The following NEBL variants were observed in gnomAD, a reference collection of about 807,000 sequenced individuals.
The protein encoded by NEBL is LIM and SH3 protein 2.
NEBL carries 122 observed loss-of-function variants against 140.2 expected under a neutral mutation model. That is an observed-to-expected ratio of 0.87 (90% CI 0.75 to 1.01). NEBL has a LOEUF of 1.01. NEBL is among the 50% of genes least tolerant of loss of function. The probability of loss-of-function intolerance (pLI) is 0.00; values close to 1 mark genes in which losing one functional copy is unlikely to be tolerated. For missense variants in NEBL, 1,365 were observed against 1,231.3 expected (o/e 1.11, Z -1.62); for synonymous variants, 436 against 398.9 (o/e 1.09, Z -1.11).
At chr10:21,007,694 TA>T (rs1838188434) in intron 3 of NEBL, among the ~76,000 whole-genome samples, 1 of 152,130 alleles carries the variant, frequency 6.6e-6, no homozygotes, top group South Asian at 2.1e-4. Flanking sequence ...AAAACAGACA[TA>T]AAAAACCTTA....
chr10:21,044,311 C>A (rs972626786), intron 2 of NEBL, among the ~76,000 whole-genome samples: 1 of 142,532 alleles, frequency 7.0e-6, no homozygotes, highest in Admixed American at 7.4e-5. Flanking sequence ...GCAGGAGAAT[C>A]GCTTGAACCC....
chr10:20,808,720 A>G, intron 25 of NEBL, 61 bp from the exon 26 acceptor site: 1 of 1,517,904 alleles, frequency 6.6e-7, no homozygotes, highest in Non-Finnish European at 9.1e-7. Flanking sequence ...AAAATCAACA[A>G]AAAATTACTT....
At chr10:21,202,973 C>G (rs952259115) in intron 3 of NEBL, among the ~76,000 whole-genome samples, 1 of 152,128 alleles carries the variant, frequency 6.6e-6, no homozygotes, top group Non-Finnish European at 1.5e-5. Context: ...AGACTAGGAA[C>G]GGCATGTTAG....
At chr10:20,997,981 A>G (rs1256711019) in intron 3 of NEBL, among the ~76,000 whole-genome samples, 1 of 152,222 alleles carries the variant, frequency 6.6e-6, no homozygotes, top group Non-Finnish European at 1.5e-5. Context: ...AGGAATGATG[A>G]AAATCAAATG....
At chr10:20,961,604 C>A in intron 4 of NEBL, 2 of 1,185,640 alleles carry the variant, frequency 1.7e-6, no homozygotes, top group South Asian at 1.2e-5. Context: ...TCCAAGTCAT[C>A]CAGCCTCCCT....
intron 26 of NEBL, among the ~76,000 whole-genome samples, chr10:20,804,039 T>C (rs1487808525): frequency 6.6e-6 from 1 of 152,018 alleles, no homozygotes; most frequent in Non-Finnish European, 1.5e-5. Flanking sequence ...TTGGCCATTT[T>C]ATTCCCTCTC....
intron 5 of NEBL, among the ~76,000 whole-genome samples, chr10:20,877,980 T>C (rs1369105026): frequency 1.3e-5 from 2 of 152,222 alleles, no homozygotes; most frequent in African/African-American, 4.8e-5. Context: ...CTTAATTTTC[T>C]TGACATGAGA....
intron 3 of NEBL, among the ~76,000 whole-genome samples, chr10:20,998,405 C>T (rs189669764): frequency 2.6e-5 from 4 of 152,186 alleles, no homozygotes; most frequent in Admixed American, 2.6e-4. Context: ...TCGTTAACTC[C>T]CAGTAAATAA....
At chr10:21,035,422 G>A (rs901416059) in intron 2 of NEBL, among the ~76,000 whole-genome samples, 8 of 151,768 alleles carry the variant, frequency 5.3e-5, no homozygotes, top group Non-Finnish European at 1.2e-4. Flanking sequence ...CTGTGACCCC[G>A]ACTATTCTCC....
intron 16 of NEBL, among the ~76,000 whole-genome samples, chr10:20,830,883 G>A (rs1174357340): frequency 2.4e-5 from 3 of 125,922 alleles, no homozygotes; most frequent in South Asian, 2.7e-4. Flanking sequence ...CAGCCTGGGT[G>A]AAAGAGTGAG....
intron 3 of NEBL, among the ~76,000 whole-genome samples, chr10:20,980,746 C>T (rs988134150): frequency 4.6e-5 from 7 of 152,176 alleles, no homozygotes; most frequent in African/African-American, 1.7e-4. Context: ...ATCCTAGCTC[C>T]CATCTCTTCC....
intron 2 of NEBL, among the ~76,000 whole-genome samples, chr10:21,105,337 G>C (rs1371547986): frequency 6.6e-6 from 1 of 151,312 alleles, no homozygotes; most frequent in Non-Finnish European, 1.5e-5. Context: ...CCCTCCCCCA[G>C]TCCCCTACCC....
chr10:20,909,928 C>T (rs1210061409), intron 4 of NEBL, among the ~76,000 whole-genome samples: 3 of 152,066 alleles, frequency 2.0e-5, no homozygotes, highest in African/African-American at 7.2e-5. Context: ...TAATACTTGC[C>T]TAGTATCAAA....
intron 3 of NEBL, among the ~76,000 whole-genome samples, chr10:20,971,906 C>A (rs993713062): frequency 1.8e-4 from 27 of 152,216 alleles, no homozygotes; most frequent in African/African-American, 6.5e-4. Flanking sequence ...AGCCACCACG[C>A]CCAGCCATAG....
At chr10:21,060,143 T>C (rs1032299220) in intron 2 of NEBL, among the ~76,000 whole-genome samples, 1 of 152,060 alleles carries the variant, frequency 6.6e-6, no homozygotes, top group Non-Finnish European at 1.5e-5. Context: ...GATGAAGAGG[T>C]GCTTCTAAAT....
chr10:20,844,019 T>G (rs752761331), intron 12 of NEBL, among the ~76,000 whole-genome samples: 1 of 152,134 alleles, frequency 6.6e-6, no homozygotes, highest in African/African-American at 2.4e-5. Context: ...TCTAGGAAGT[T>G]GCCATTTGCT....
chr10:21,173,946 G>GCGGGCGC lies in NEBL; in HGVS notation c.-120_-114dup, dbSNP rs1398495111. 1.4e-6 allele frequency: 2 copies of GCGGGCGC among 1,388,052 alleles called. No individual in the cohort carries two copies. The highest frequency in any genetic ancestry group is 3.6e-5 in the Admixed American group (1 of 27,480). The allele number at this position is 1,388,052 out of a possible 1,614,324, so 86.0% of individuals were successfully genotyped here. A position where few individuals can be genotyped will look rare whatever the true frequency, so the allele number is the denominator to read the frequency against. On this transcript the variant is annotated 5_prime_UTR_variant, in exon 1 of 7. Coordinates refer to the NEBL transcript ENST00000417816. This position sits in a 1 kb window ranked among gnomAD's most constrained non-coding sequence, Gnocchi z 5.7. ...CTGGCAGGCGGGAGGGCTGCGGGCG[G>GCGGGCGC]CGGGCGCCGGGTAGGGAGTCGGCGC...
intron 6 of NEBL, among the ~76,000 whole-genome samples, chr10:20,869,438 A>G (rs1450467932): frequency 1.3e-5 from 2 of 152,218 alleles, no homozygotes; most frequent in African/African-American, 4.8e-5. Context: ...ATATGGGACC[A>G]TATGACTGAT....
At chr10:20,982,550 AG>A (rs1370722958) in intron 3 of NEBL, among the ~76,000 whole-genome samples, 1 of 152,230 alleles carries the variant, frequency 6.6e-6, no homozygotes, top group Admixed American at 6.5e-5. Context: ...ACTGTGATTT[AG>A]CTGTGTATAT....
Sources: gnomAD v4.1 joint callset for allele counts (sites outside exome capture counted in the v4.1 genomes callset) on GRCh38, gnomAD v4.1.1 for gene constraint, Gnocchi (gnomAD v3.1) non-coding constraint, MANE v1.5 for transcripts, NCBI Gene and HGNC (gene_info 2026-07-23, HGNC 2026-07-21) for gene names.